Variants in LINGO2 observed in about 807,000 individuals in gnomAD.
LINGO2 encodes leucine rich repeat and Ig domain containing 2.
A neutral mutation model predicts 30.6 loss-of-function variants in LINGO2; 14 were observed. The ratio of observed to expected loss-of-function variants is 0.46; its 90% CI spans 0.30 to 0.72. The LOEUF is 0.72. Ranked by LOEUF, LINGO2 falls within the 30% of genes least tolerant of loss-of-function variation. LINGO2 has a pLI of 0.07. For synonymous variants in LINGO2, 317 were observed against 288.5 expected, an observed-to-expected ratio of 1.10 and a Z score of -1.00; for missense variants, 729 against 751.7, an observed-to-expected ratio of 0.97 and a Z score of 0.35.
exon 6 of LINGO2, chr9:27,950,676 C>G (rs1447285535): frequency 2.0e-6 from 3 of 1,504,048 alleles, no homozygotes. Flanking sequence ...AAGCATGACT[C>G]CACTTCTTAG....
the LINGO2 span, among the ~76,000 whole-genome samples, chr9:28,999,473 G>A: frequency 2.0e-5 from 3 of 151,906 alleles, no homozygotes; most frequent in Non-Finnish European, 2.9e-5. Context: ...TCTAGCACAG[G>A]ACTGAGGAAT....
the LINGO2 span, among the ~76,000 whole-genome samples, chr9:28,875,045 G>C: frequency 6.6e-6 from 1 of 151,990 alleles, no homozygotes; most frequent in Admixed American, 6.6e-5. Context: ...CTGAACTACT[G>C]ATTTGACACA....
At chr9:28,009,355 TAAA>T (rs72535340) in intron 5 of LINGO2, among the ~76,000 whole-genome samples, 1 of 145,076 alleles carries the variant, frequency 6.9e-6, no homozygotes, top group East Asian at 2.0e-4. Flanking sequence ...GCACAAGTGA[TAAA>T]AAAAAAAAGA....
At chr9:28,377,371 ACCT>A (rs1277140636) in intron 2 of LINGO2, among the ~76,000 whole-genome samples, 1 of 152,178 alleles carries the variant, frequency 6.6e-6, no homozygotes, top group Non-Finnish European at 1.5e-5. Flanking sequence ...ACTTAATAAC[ACCT>A]TCTTTCCTGC....
chr9:28,793,440 C>G, the LINGO2 span, among the ~76,000 whole-genome samples: 2 of 152,168 alleles, frequency 1.3e-5, no homozygotes, highest in Non-Finnish European at 2.9e-5. Flanking sequence ...CTGCCTTTTG[C>G]GGAGAGTTGT....
At chr9:28,989,007 C>T in the LINGO2 span, among the ~76,000 whole-genome samples, 1 of 152,172 alleles carries the variant, frequency 6.6e-6, no homozygotes. Flanking sequence ...GCTGACATCA[C>T]TCCCCTTTAA....
At chr9:28,563,031 G>C (rs746980716) in intron 1 of LINGO2, among the ~76,000 whole-genome samples, 1 of 152,000 alleles carries the variant, frequency 6.6e-6, no homozygotes, top group African/African-American at 2.4e-5. Flanking sequence ...ATTTTTAGTA[G>C]AGATGGGGTT....
chr9:29,012,787 G>A, the LINGO2 span, among the ~76,000 whole-genome samples: 4 of 152,036 alleles, frequency 2.6e-5, no homozygotes, highest in Admixed American at 2.6e-4. Flanking sequence ...ATCTACTTTT[G>A]CTTTTTGTAA....
the LINGO2 span, among the ~76,000 whole-genome samples, chr9:28,837,661 C>CATATAT: frequency 2.0e-4 from 18 of 89,410 alleles, 2 homozygotes; most frequent in East Asian, 2.3e-3. Flanking sequence ...TATATATATA[C>CATATAT]ATATATATAT....
chr9:28,448,984 C>T (rs1207034451), intron 2 of LINGO2, among the ~76,000 whole-genome samples: 1 of 149,986 alleles, frequency 6.7e-6, no homozygotes, highest in African/African-American at 2.4e-5. Flanking sequence ...AGGAGCTAGG[C>T]TTGATTCTGT....
At chr9:28,139,829 T>G (rs1397653871) in intron 4 of LINGO2, among the ~76,000 whole-genome samples, 1 of 152,064 alleles carries the variant, frequency 6.6e-6, no homozygotes, top group Non-Finnish European at 1.5e-5. Flanking sequence ...AAAAGCAAAA[T>G]TAAGGTAATT....
At chr9:28,989,267 T>C in the LINGO2 span, among the ~76,000 whole-genome samples, 1 of 152,238 alleles carries the variant, frequency 6.6e-6, no homozygotes, top group African/African-American at 2.4e-5. Context: ...ATTAAACTAA[T>C]TGGCTTCAGC....
the LINGO2 span, among the ~76,000 whole-genome samples, chr9:28,845,019 G>A: frequency 1.2e-4 from 18 of 151,968 alleles, no homozygotes; most frequent in Non-Finnish European, 1.8e-4. Flanking sequence ...CAAGTTCCCT[G>A]GATGAATCAT....
At chr9:29,071,386 T>C in the LINGO2 span, among the ~76,000 whole-genome samples, 1 of 149,918 alleles carries the variant, frequency 6.7e-6, no homozygotes, top group African/African-American at 2.4e-5. Context: ...AACAATTTCA[T>C]TTAACATTTT....
intron 2 of LINGO2, among the ~76,000 whole-genome samples, chr9:28,466,649 C>T (rs1481961773): frequency 6.6e-6 from 1 of 152,022 alleles, no homozygotes; most frequent in Non-Finnish European, 1.5e-5. Flanking sequence ...ATAGATACCC[C>T]ATTTACTCTG....
At chr9:28,234,640 C>T (rs949751915) in intron 4 of LINGO2, among the ~76,000 whole-genome samples, 1 of 152,124 alleles carries the variant, frequency 6.6e-6, no homozygotes, top group African/African-American at 2.4e-5. Context: ...TGGATGTTTC[C>T]TGCCCTCGAA....
At chr9:28,277,829 A>T (rs1398107394) in intron 4 of LINGO2, among the ~76,000 whole-genome samples, 2 of 128,700 alleles carry the variant, frequency 1.6e-5, no homozygotes, top group Non-Finnish European at 3.2e-5. Flanking sequence ...AAACAAAACA[A>T]AACAAAACAA....
At chr9:28,132,501 C>T (rs542494084) in intron 4 of LINGO2, among the ~76,000 whole-genome samples, 3 of 152,242 alleles carry the variant, frequency 2.0e-5, no homozygotes, top group Admixed American at 6.5e-5. Flanking sequence ...ATAACCATTG[C>T]AGGTACTTCA....
At position 28,241,734 on chromosome 9, in the gene LINGO2, C is replaced by G. The variant is rs561488435; in HGVS notation, c.-87+53474G>C. 1.0e-3 allele frequency among the ~76,000 whole-genome samples: 156 copies of G among 152,268 alleles called. 2 individuals are homozygous for G. The highest frequency in any genetic ancestry group is 3.5e-3 in the African/African-American group (144 of 41,564). On this transcript the variant is annotated intron_variant, in intron 4 of 5. Coordinates refer to ENST00000379992, the Ensembl canonical transcript of LINGO2. ...AGAAGTGTTCCTACTGTCATCAGGTCAGTACTCCTCAAGGCCAGAGATCCC... is the reference window on the plus strand; with the variant it reads ...AGAAGTGTTCCTACTGTCATCAGGTGAGTACTCCTCAAGGCCAGAGATCCC...
Sources: gnomAD v4.1 joint callset for allele counts (sites outside exome capture counted in the v4.1 genomes callset) on GRCh38, gnomAD v4.1.1 for gene constraint, MANE v1.5 for transcripts, NCBI Gene and HGNC (gene_info 2026-07-23, HGNC 2026-07-21) for gene names.